SLCO1A2: variants seen among roughly 807,000 people sequenced by gnomAD.
SLCO1A2 encodes OATP-1.
A neutral mutation model predicts 69.0 loss-of-function variants in SLCO1A2; 67 were observed. The ratio of observed to expected loss-of-function variants is 0.97; its 90% CI spans 0.80 to 1.19. SLCO1A2 has a LOEUF of 1.19. Ranked by LOEUF, SLCO1A2 falls within the 50% of genes most tolerant of loss-of-function variation. SLCO1A2 has a pLI of 0.00. For synonymous variants in SLCO1A2, 260 were observed against 265.9 expected (o/e 0.98, Z 0.22); for missense variants, 787 against 793.7 (o/e 0.99, Z 0.10).
At chr12:21,333,331 T>C (rs1565504717) in intron 2 of SLCO1A2, among the ~76,000 whole-genome samples, 1 of 152,134 alleles carries the variant, frequency 6.6e-6, no homozygotes, top group South Asian at 2.1e-4. Context: ...CTGACTCATG[T>C]CTAGTGCTAA....
intron 1 of SLCO1A2, among the ~76,000 whole-genome samples, chr12:21,382,035 T>C (rs1209321972): frequency 1.3e-5 from 2 of 152,214 alleles, no homozygotes; most frequent in Non-Finnish European, 2.9e-5. Context: ...CACATATGTT[T>C]ATAGCAGTAC....
chr12:21,412,382 GA>G (rs1448343311), intron 1 of SLCO1A2, among the ~76,000 whole-genome samples: 19 of 149,390 alleles, frequency 1.3e-4, no homozygotes, highest in African/African-American at 4.2e-4. Context: ...TCCATCTCAA[GA>G]AAAAAAAAGG....
rs773938308 is a variant in SLCO1A2, at chr12:21,385,102, A to G, written c.-190+9804T>C. On this transcript the variant is annotated intron_variant, in intron 1 of 15. Transcript: ENST00000307378. Reference sequence around the variant, plus strand: ...AAAACTCTTTTTTACCTTCATGGACATAATGCCCTGATTATCATATAAATA... The same window carrying G: ...AAAACTCTTTTTTACCTTCATGGACGTAATGCCCTGATTATCATATAAATA... Among the ~76,000 whole-genome samples, 130 of 152,260 alleles carry G rather than the reference A, an allele frequency of 8.5e-4. 1 individual carries two copies. The highest frequency in any genetic ancestry group is 1.7e-3 in the Non-Finnish European group (115 of 68,002).
intron 2 of SLCO1A2, among the ~76,000 whole-genome samples, chr12:21,320,175 C>A (rs1225581924): frequency 1.3e-5 from 2 of 152,178 alleles, no homozygotes; most frequent in Non-Finnish European, 2.9e-5. Context: ...ACCTTCCACA[C>A]CTCCAGTCTT....
intron 1 of SLCO1A2, among the ~76,000 whole-genome samples, chr12:21,390,449 G>T (rs1941096359): frequency 6.6e-6 from 1 of 152,076 alleles, no homozygotes; most frequent in South Asian, 2.1e-4. Flanking sequence ...TGATGATAAG[G>T]TTTGTAAAAT....
chr12:21,274,686 C>A, intron 13 of SLCO1A2, 100 bp from the exon 14 acceptor site: 2 of 873,296 alleles, frequency 2.3e-6, no homozygotes, highest in South Asian at 3.3e-5. Context: ...CAAAGTTTAT[C>A]AAAACATAAA....
At chr12:21,417,038 C>A (rs908084371) in intron 1 of SLCO1A2, among the ~76,000 whole-genome samples, 4 of 151,984 alleles carry the variant, frequency 2.6e-5, no homozygotes, top group African/African-American at 4.8e-5. Flanking sequence ...TGATCTAGAA[C>A]GTAAGCTCCA....
Position 21,275,033 on chromosome 12 carries a change from C to T in SLCO1A2, c.1675+327G>A, listed in dbSNP as rs187925174. 6.1e-4 allele frequency: 623 copies of T among 1,017,376 alleles called. 7 individuals are homozygous for T. The highest frequency in any genetic ancestry group is 3.5e-4 in the Non-Finnish European group (294 of 849,960). 63.0% of individuals were successfully genotyped at this position (1,017,376 alleles called of 1,614,324 possible). Reference sequence around the variant, plus strand: ...ATATTTATAACGTGCTTTTTACATACAGAAGGGACATTTGCTAGACTGCTT... The same window carrying T: ...ATATTTATAACGTGCTTTTTACATATAGAAGGGACATTTGCTAGACTGCTT... On this transcript the variant is annotated intron_variant, in intron 13 of 14. Transcript: ENST00000683939.
At chr12:21,298,730 C>A (rs557473644) in intron 8 of SLCO1A2, among the ~76,000 whole-genome samples, 13 of 152,098 alleles carry the variant, frequency 8.5e-5, no homozygotes, top group Non-Finnish European at 1.8e-4. Flanking sequence ...TTGCAACAAG[C>A]TAAGCTCTTT....
upstream of SLCO1A2, chr12:21,395,512 G>A (rs1028478350): frequency 7.2e-5 from 11 of 153,590 alleles, no homozygotes; most frequent in African/African-American, 2.6e-4. Context: ...GAACTGGGTG[G>A]AGCCCACCAC....
intron 2 of SLCO1A2, among the ~76,000 whole-genome samples, chr12:21,347,599 C>T (rs916692011): frequency 3.3e-5 from 5 of 149,736 alleles, no homozygotes; most frequent in African/African-American, 7.4e-5. Flanking sequence ...GAGCGGATAT[C>T]GTGCCACTGC....
intron 2 of SLCO1A2, among the ~76,000 whole-genome samples, chr12:21,334,375 C>T (rs1952793850): frequency 6.6e-6 from 1 of 151,986 alleles, no homozygotes; most frequent in Admixed American, 6.6e-5. Flanking sequence ...TCTCTCAAAG[C>T]CATTTAGGAC....
intron 1 of SLCO1A2, among the ~76,000 whole-genome samples, chr12:21,375,096 G>A (rs1940093907): frequency 6.6e-6 from 1 of 152,166 alleles, no homozygotes; most frequent in East Asian, 1.9e-4. Flanking sequence ...GGGATTATAA[G>A]AGTGAGCCAC....
intron 2 of SLCO1A2, among the ~76,000 whole-genome samples, chr12:21,370,550 A>G (rs938135023): frequency 3.5e-5 from 5 of 142,220 alleles, no homozygotes; most frequent in African/African-American, 5.3e-5. Flanking sequence ...TCATTGTTCA[A>G]TTCCCACCTA....
intron 9 of SLCO1A2, among the ~76,000 whole-genome samples, chr12:21,297,175 C>G (rs1000250627): frequency 6.6e-6 from 1 of 152,180 alleles, no homozygotes; most frequent in South Asian, 2.1e-4. Context: ...GTATTTCTGA[C>G]CTCTTCCCTT....
At position 21,350,575 on chromosome 12, in the gene SLCO1A2, G is replaced by A. The variant is rs1231323760; in HGVS notation, c.-62-15866C>T. ...TTTCAGGCCGGGCACAGTGGCTCAC[G>A]CCTGTAATCCCAGCACTTTGGGAGG... On this transcript the variant is annotated intron_variant, in intron 2 of 15. Transcript: ENST00000307378. 3.9e-5 allele frequency among the ~76,000 whole-genome samples: 6 copies of A among 152,072 alleles called. No homozygotes were observed. In the South Asian group the frequency reaches 6.2e-4, roughly 16 times the overall value.
chr12:21,282,975 A>G (rs1945085322), intron 12 of SLCO1A2, among the ~76,000 whole-genome samples: 1 of 152,288 alleles, frequency 6.6e-6, no homozygotes, highest in African/African-American at 2.4e-5. Flanking sequence ...TGAAAGAAAC[A>G]ATATTGCTAA....
intron 1 of SLCO1A2, among the ~76,000 whole-genome samples, chr12:21,404,171 T>A (rs987369707): frequency 6.6e-6 from 1 of 152,102 alleles, no homozygotes; most frequent in African/African-American, 2.4e-5. Flanking sequence ...TGTAAAGTAA[T>A]TAGGTGGTCA....
chr12:21,362,216 C>T (rs951172417), intron 2 of SLCO1A2, among the ~76,000 whole-genome samples: 9 of 152,210 alleles, frequency 5.9e-5, no homozygotes, highest in Admixed American at 3.9e-4. Context: ...AGAAACTCTA[C>T]AAGCCAGTAG....
Sources: allele counts gnomAD v4.1 joint callset (sites outside exome capture counted in the v4.1 genomes callset), GRCh38; gene constraint gnomAD v4.1.1; transcripts MANE v1.5; gene names NCBI Gene and HGNC (gene_info 2026-07-23, HGNC 2026-07-21).